The following PDE3A variants were observed in gnomAD, a reference collection of about 807,000 sequenced individuals.
PDE3A encodes cGMP-inhibited 3',5'-cyclic phosphodiesterase 3A.
PDE3A carries 43 observed loss-of-function variants against 98.3 expected under a neutral mutation model. The observed-to-expected ratio is 0.44, with a 90% CI of 0.34 to 0.56. The LOEUF is 0.56. PDE3A is among the 20% of genes least tolerant of loss of function. The probability of loss-of-function intolerance (pLI) is 0.01; values close to 1 mark genes in which losing one functional copy is unlikely to be tolerated. For missense variants in PDE3A, 1,427 were observed against 1,440.7 expected (o/e 0.99, Z 0.15); for synonymous variants, 663 against 567.9 (o/e 1.17, Z -2.38).
In PDE3A at chr12:20,598,564, G is replaced by A. The variant is rs753149179; in HGVS notation, c.1012-14879G>A. The stretch of plus-strand genomic sequence containing the variant: ...ATTGAAATCACCCGCCCCCTCAAAT[G>A]TTTACACTGTGGAAGGCAATAGAGA... On this transcript the variant is annotated intron_variant, in intron 2 of 15. Coordinates refer to ENST00000359062, the MANE Select transcript of PDE3A (RefSeq NM_000921.5). Among the ~76,000 whole-genome samples, 7 of 152,232 alleles carry A rather than the reference G, an allele frequency of 4.6e-5. No homozygotes were observed. In the East Asian group the frequency reaches 1.4e-3, roughly 29 times the overall value.
chr12:20,436,668 A>C (rs1258919279), intron 1 of PDE3A, among the ~76,000 whole-genome samples: 1 of 152,222 alleles, frequency 6.6e-6, no homozygotes, highest in African/African-American at 2.4e-5. Flanking sequence ...TTACTCTGCC[A>C]GTTCCCAGTT....
intron 5 of PDE3A, among the ~76,000 whole-genome samples, chr12:20,623,187 A>T (rs1944177521): frequency 1.3e-5 from 2 of 152,220 alleles, no homozygotes; most frequent in Non-Finnish European, 1.5e-5. Context: ...AAAGCAACAC[A>T]GATGAAGAAT....
intron 1 of PDE3A, among the ~76,000 whole-genome samples, chr12:20,508,182 G>T (rs1233607043): frequency 6.6e-6 from 1 of 151,906 alleles, no homozygotes; most frequent in Non-Finnish European, 1.5e-5. Context: ...TTTGTCCCCA[G>T]TTATCCCCAT....
intron 1 of PDE3A, among the ~76,000 whole-genome samples, chr12:20,427,789 C>T (rs768323879): frequency 1.6e-4 from 25 of 151,888 alleles, no homozygotes; most frequent in Non-Finnish European, 3.2e-4. Context: ...GGCACAGTCA[C>T]ATTTTTTTTT....
intron 2 of PDE3A, among the ~76,000 whole-genome samples, chr12:20,598,341 C>G (rs1044971437): frequency 1.5e-4 from 23 of 151,936 alleles, no homozygotes; most frequent in African/African-American, 5.6e-4. Flanking sequence ...CACCACCACG[C>G]CCGGCTAATT....
intron 1 of PDE3A, among the ~76,000 whole-genome samples, chr12:20,396,517 T>C (rs1464897979): frequency 6.6e-6 from 1 of 152,094 alleles, no homozygotes; most frequent in Non-Finnish European, 1.5e-5. Context: ...AATAGAAATA[T>C]AGAAAGCATA....
intron 1 of PDE3A, among the ~76,000 whole-genome samples, chr12:20,429,674 C>T (rs1653503448): frequency 1.3e-5 from 2 of 152,162 alleles, no homozygotes; most frequent in African/African-American, 4.8e-5. Context: ...GCATTCAAAA[C>T]ATGCTGGGAG....
intron 1 of PDE3A, among the ~76,000 whole-genome samples, chr12:20,527,307 C>G (rs867249434): frequency 1.1e-4 from 16 of 152,220 alleles, no homozygotes; most frequent in Admixed American, 6.5e-4. Flanking sequence ...GAATGGATCA[C>G]TCGTTTCTAA....
chr12:20,510,695 A>G (rs1441707179), intron 1 of PDE3A, among the ~76,000 whole-genome samples: 2 of 152,044 alleles, frequency 1.3e-5, no homozygotes, highest in Non-Finnish European at 2.9e-5. Context: ...TGCTGTTTCC[A>G]TTGTAGAAAT....
chr12:20,635,083 AT>A, intron 8 of PDE3A, 27 bp downstream of exon 8: 1 of 1,586,098 alleles, frequency 6.3e-7, no homozygotes, highest in Non-Finnish European at 8.6e-7. Flanking sequence ...TAACTCACTC[AT>A]TTACTTGAGA....
chr12:20,669,389 C>G (rs1210264782), intron 15 of PDE3A, among the ~76,000 whole-genome samples: 2 of 151,744 alleles, frequency 1.3e-5, no homozygotes, highest in African/African-American at 4.8e-5. Flanking sequence ...CTCCAAGACA[C>G]ATAATTGTCA....
chr12:20,634,640 AG>A (rs1304237457), intron 7 of PDE3A, among the ~76,000 whole-genome samples: 1 of 152,194 alleles, frequency 6.6e-6, no homozygotes, highest in African/African-American at 2.4e-5. Flanking sequence ...GATTTGTTAA[AG>A]GTATGAACTG....
intron 1 of PDE3A, among the ~76,000 whole-genome samples, chr12:20,398,297 C>CT (rs34700120): frequency 0.04 from 5,687 of 140,862 alleles, 362 homozygotes; most frequent in African/African-American, 0.13. Context: ...TCTTAGTTCA[C>CT]TTTTTTTTTT....
chr12:20,556,650 A>C lies in PDE3A; in HGVS notation c.961-10A>C. On this transcript the variant is annotated splice_polypyrimidine_tract_variant and intron_variant, in intron 1 of 15. Transcript: ENST00000359062. ...AATCATTTAACTTATTATAATTTTC[A>C]TCTTTCCAGCTCATGGGGCATTCAG... The C allele has an allele frequency of 6.4e-7, 1 of 1,559,302 alleles. No homozygotes were observed. The highest frequency in any genetic ancestry group is 2.2e-5 in the East Asian group (1 of 44,552).
At chr12:20,382,938 G>T (rs1943688097) in intron 1 of PDE3A, among the ~76,000 whole-genome samples, 1 of 151,902 alleles carries the variant, frequency 6.6e-6, no homozygotes, top group Non-Finnish European at 1.5e-5. Flanking sequence ...TACAAAATAT[G>T]AAAATTTAAT....
At chr12:20,379,154 A>G (rs1591860720) in intron 1 of PDE3A, among the ~76,000 whole-genome samples, 2 of 151,960 alleles carry the variant, frequency 1.3e-5, no homozygotes, top group African/African-American at 4.8e-5. Flanking sequence ...GAAGTCATAG[A>G]GATATTATTC....
intron 1 of PDE3A, among the ~76,000 whole-genome samples, chr12:20,439,837 T>C (rs768182099): frequency 5.9e-5 from 9 of 152,130 alleles, no homozygotes; most frequent in Non-Finnish European, 1.5e-5. Flanking sequence ...ATCAGGATAT[T>C]GCATAAGTCA....
chr12:20,500,023 C>G (rs1325131260), intron 1 of PDE3A, among the ~76,000 whole-genome samples: 1 of 152,194 alleles, frequency 6.6e-6, no homozygotes, highest in East Asian at 1.9e-4. Context: ...CCTTAACCAG[C>G]ATACTACACT....
At position 20,685,832 on chromosome 12, in the gene PDE3A, G is replaced by T. The variant is rs1206589509; in HGVS notation, c.*5561G>T. 6.6e-6 allele frequency among the ~76,000 whole-genome samples: 1 copy of T among 152,086 alleles called. No individual in the cohort carries two copies. Among genetic ancestry groups the T allele is most frequent in the Non-Finnish European group, 1.5e-5 (1 of 68,008 alleles). On this transcript the variant is annotated 3_prime_UTR_variant, in exon 16 of 16. Coordinates refer to ENST00000359062, the MANE Select transcript of PDE3A (RefSeq NM_000921.5). ...GAAGCAATGATTTCCTCATTGCTTT[G>T]CATTAAGAAGTGGTTCTTTAGTTAT...
Sources: gnomAD v4.1 joint callset for allele counts (sites outside exome capture counted in the v4.1 genomes callset) on GRCh38, gnomAD v4.1.1 for gene constraint, MANE v1.5 for transcripts, NCBI Gene and HGNC (gene_info 2026-07-23, HGNC 2026-07-21) for gene names.